NAT10: variants seen among roughly 807,000 people sequenced by gnomAD.
NAT10 encodes the protein RNA cytidine acetyltransferase.
Under a neutral mutation model 132.2 loss-of-function variants are expected in NAT10, and 109 were observed. That is an observed-to-expected ratio of 0.82 (90% CI 0.71 to 0.97). The LOEUF (loss-of-function observed/expected upper bound fraction) is 0.97. Ranked by LOEUF, NAT10 falls within the 50% of genes least tolerant of loss-of-function variation. The probability of loss-of-function intolerance (pLI) is 0.00; values close to 1 mark genes in which losing one functional copy is unlikely to be tolerated. For missense variants in NAT10, 1,184 were observed against 1,263.4 expected (o/e 0.94, Z 0.95); for synonymous variants, 479 against 478.0 (o/e 1.00, Z -0.03).
At chr11:34,123,898 G>A in intron 10 of NAT10, 43 bp downstream of exon 10, 1 of 1,470,988 alleles carries the variant, frequency 6.8e-7, no homozygotes, top group Non-Finnish European at 9.5e-7. Flanking sequence ...GACCTGGTGT[G>A]GTGGCTCACG....
At chr11:34,144,983 G>A (rs991436646) in intron 28 of NAT10, among the ~76,000 whole-genome samples, 2 of 152,228 alleles carry the variant, frequency 1.3e-5, no homozygotes, top group African/African-American at 2.4e-5. Context: ...ATCCAGCATC[G>A]ATGCCGGCCT....
rs147192524 is a variant in NAT10, at chr11:34,146,082, A to G, written c.2970-2A>G. 119 of 1,587,884 alleles carry G rather than the reference A, an allele frequency of 7.5e-5. No homozygotes were observed. Among genetic ancestry groups the G allele is most frequent in the Non-Finnish European group, 2.4e-5 (28 of 1,164,260 alleles). ...TTCTTTCTATTTTTGATTTTTCTCTAGTGACAAGAAAAGGAAGTTAGAGGC... is the reference window on the plus strand; with the variant it reads ...TTCTTTCTATTTTTGATTTTTCTCTGGTGACAAGAAAAGGAAGTTAGAGGC... On this transcript the variant is annotated splice_acceptor_variant, in intron 28 of 28. Transcript: ENST00000257829. LOFTEE classifies it high-confidence loss of function.
intron 28 of NAT10, among the ~76,000 whole-genome samples, chr11:34,144,163 A>G (rs2467368): frequency 0.017 from 2,557 of 152,282 alleles, 48 homozygotes; most frequent in African/African-American, 0.058. Flanking sequence ...GGCCAGGTGC[A>G]GTGGCTCACG....
intron 8 of NAT10, among the ~76,000 whole-genome samples, chr11:34,120,049 A>G (rs1851861580): frequency 6.6e-6 from 1 of 151,160 alleles, no homozygotes; most frequent in Admixed American, 6.6e-5. Context: ...GACCGTTTTA[A>G]TTTGTGTTGC....
In NAT10 at chr11:34,132,333, T is replaced by C. The variant is rs1852120807; in HGVS notation, c.1617+112T>C. ...CCCAATGGCTTAGGTGACTGTTCCA[T>C]TGGGACATTGATGAGTTCCACTGAT... On this transcript the variant is annotated intron_variant, in intron 15 of 28. Transcript: ENST00000257829. The C allele has an allele frequency of 2.2e-5, 19 of 865,688 alleles. No individual in the cohort carries two copies. In the East Asian group the frequency reaches 2.7e-4, roughly 12 times the overall value. The allele number at this position is 865,688 out of a possible 1,614,324, so 53.6% of individuals were successfully genotyped here. A position where few individuals can be genotyped will look rare whatever the true frequency, so the allele number is the denominator to read the frequency against.
Position 34,108,792 on chromosome 11 carries a change from T to C in NAT10, c.159T>C (p.Pro53=). The C allele has an allele frequency of 6.2e-7, 1 of 1,614,036 alleles. No individual in the cohort carries two copies. The change falls in exon 3 of 29, where the codon CCT becomes CCC. Residue 53 remains proline, a synonymous_variant. Transcript: ENST00000257829. ...CCAAAGCAACTGTGAAGGCTCGGCC[T>C]TCAGTGCTGTGGTGTTATAAGAAAG... is the stretch of plus-strand genomic sequence containing the variant. ...MLSKATVKAR[P]SVLWCYKKEL...
intron 12 of NAT10, 116 bp downstream of exon 12, chr11:34,127,715 G>T: frequency 7.6e-7 from 1 of 1,322,016 alleles, no homozygotes; most frequent in South Asian, 1.5e-5. Context: ...GAGTCTCTGA[G>T]TGTTTGAGGC....
chr11:34,117,890 G>A (rs945732166), intron 6 of NAT10, among the ~76,000 whole-genome samples: 10 of 152,186 alleles, frequency 6.6e-5, no homozygotes, highest in African/African-American at 2.2e-4. Context: ...GGGAGGATGA[G>A]GAGAGGGCCA....
At chr11:34,125,715 C>G (rs1339732027) in intron 11 of NAT10, among the ~76,000 whole-genome samples, 1 of 152,112 alleles carries the variant, frequency 6.6e-6, no homozygotes, top group South Asian at 2.1e-4. Context: ...CTAATCCCAG[C>G]GCTTTGGGAG....
intron 1 of NAT10, among the ~76,000 whole-genome samples, chr11:34,106,704 C>A (rs1851600085): frequency 6.6e-6 from 1 of 152,204 alleles, no homozygotes; most frequent in African/African-American, 2.4e-5. Context: ...AGTGTGAATT[C>A]TGTCTGTCGT....
At chr11:34,142,406 C>T in intron 27 of NAT10, 58 bp downstream of exon 27, 1 of 1,459,260 alleles carries the variant, frequency 6.9e-7, no homozygotes, top group Non-Finnish European at 9.6e-7. Context: ...AAGAATCTGC[C>T]TACACGTTTC....
intron 21 of NAT10, among the ~76,000 whole-genome samples, chr11:34,137,659 G>C (rs184425294): frequency 6.6e-6 from 1 of 152,204 alleles, no homozygotes; most frequent in Non-Finnish European, 1.5e-5. Flanking sequence ...TGTAGTTTGT[G>C]TTCAGTAAAT....
intron 25 of NAT10, 116 bp from the exon 26 acceptor site, chr11:34,141,603 T>C (rs1406903933): frequency 1.2e-6 from 1 of 865,542 alleles, no homozygotes; most frequent in Non-Finnish European, 1.8e-6. Flanking sequence ...TGTAGAGTGT[T>C]GCTTTGTGTC....
At chr11:34,110,601 C>CT (rs1222677731) in intron 3 of NAT10, among the ~76,000 whole-genome samples, 1 of 68,104 alleles carries the variant, frequency 1.5e-5, no homozygotes, top group African/African-American at 6.2e-5. Context: ...AGGTGATAAG[C>CT]TTATTTAGTT....
chr11:34,141,990 A>G (rs1433243172), intron 26 of NAT10, 173 bp downstream of exon 26: 2 of 640,966 alleles, frequency 3.1e-6, no homozygotes, highest in African/African-American at 1.8e-5. Context: ...CTGAGCACAC[A>G]CAGGCCTAGA....
intron 25 of NAT10, 134 bp downstream of exon 25, chr11:34,141,342 C>T: frequency 1.6e-6 from 2 of 1,280,612 alleles, no homozygotes; most frequent in Non-Finnish European, 1.1e-6. Flanking sequence ...CACACACACA[C>T]ACACAAATCC....
intron 21 of NAT10, among the ~76,000 whole-genome samples, chr11:34,138,538 G>A (rs1441661921): frequency 6.6e-6 from 1 of 152,142 alleles, no homozygotes; most frequent in Non-Finnish European, 1.5e-5. Flanking sequence ...AGTACATTTG[G>A]TGGAGGCTGA....
At chr11:34,113,569 C>T in intron 4 of NAT10, 147 bp from the exon 5 acceptor site, 4 of 981,660 alleles carry the variant, frequency 4.1e-6, no homozygotes, top group Non-Finnish European at 5.6e-6. Flanking sequence ...TTGGGAGGCT[C>T]AGGTGGGTGG....
At chr11:34,114,524 T>C (rs1157877081) in intron 5 of NAT10, among the ~76,000 whole-genome samples, 1 of 152,184 alleles carries the variant, frequency 6.6e-6, no homozygotes, top group African/African-American at 2.4e-5. Context: ...AGGGGCTGTT[T>C]CCTGTCATTA....
Sources: gnomAD v4.1 joint callset for allele counts (sites outside exome capture counted in the v4.1 genomes callset) on GRCh38, gnomAD v4.1.1 for gene constraint, MANE v1.5 for transcripts, NCBI Gene and HGNC (gene_info 2026-07-23, HGNC 2026-07-21) for gene names.